The following TRMT11 variants were observed in gnomAD, a reference collection of about 807,000 sequenced individuals.
The protein encoded by TRMT11 is tRNA methyltransferase 11, also known as tRNA (guanine(10)-N(2))-methyltransferase TRMT11.
A neutral mutation model predicts 62.8 loss-of-function variants in TRMT11; 53 were observed. The observed-to-expected ratio is 0.84, with a 90% CI of 0.68 to 1.06. TRMT11 has a LOEUF of 1.06. Among genes scored for constraint, TRMT11 ranks in the 50% least tolerant of loss-of-function variants. The pLI is 0.00. For missense variants in TRMT11, 556 were observed against 553.4 expected, an observed-to-expected ratio of 1.00 and a Z score of -0.05; for synonymous variants, 188 against 190.3, an observed-to-expected ratio of 0.99 and a Z score of 0.10.
intron 21 of TRMT11, among the ~76,000 whole-genome samples, chr6:126,154,648 T>C (rs1400574480): frequency 1.3e-5 from 2 of 152,216 alleles, no homozygotes; most frequent in African/African-American, 4.8e-5. Context: ...CCCGGCCACT[T>C]CTCAGTAAAG....
intron 17 of TRMT11, among the ~76,000 whole-genome samples, chr6:126,102,798 A>G (rs1404090220): frequency 6.6e-6 from 1 of 152,188 alleles, no homozygotes; most frequent in Admixed American, 6.5e-5. Context: ...GCAAACATGT[A>G]TCAGGTTCTT....
At chr6:126,193,490 A>G (rs867114767) in intron 1 of TRMT11, among the ~76,000 whole-genome samples, 2 of 73,284 alleles carry the variant, frequency 2.7e-5, no homozygotes, top group Admixed American at 1.8e-4. Flanking sequence ...GCGTTTCTGT[A>G]TTTTTTTTTT....
intron 17 of TRMT11, among the ~76,000 whole-genome samples, chr6:126,088,561 A>G (rs971373942): frequency 6.6e-6 from 1 of 152,228 alleles, no homozygotes; most frequent in Non-Finnish European, 1.5e-5. Flanking sequence ...GGGCAAATCT[A>G]TTCAAGATTA....
intron 21 of TRMT11, among the ~76,000 whole-genome samples, chr6:126,159,338 A>G (rs1250291770): frequency 1.3e-5 from 2 of 152,124 alleles, no homozygotes; most frequent in East Asian, 1.9e-4. Context: ...TGTCATGACT[A>G]TGGTACTCAG....
At chr6:126,178,676 GT>G (rs1280791243) in intron 1 of TRMT11, among the ~76,000 whole-genome samples, 1 of 152,168 alleles carries the variant, frequency 6.6e-6, no homozygotes, top group Non-Finnish European at 1.5e-5. Context: ...GGGTCACCAT[GT>G]AGAAAAACTG....
chr6:126,191,946 T>G (rs1778606129), intron 1 of TRMT11, among the ~76,000 whole-genome samples: 1 of 152,108 alleles, frequency 6.6e-6, no homozygotes, highest in Admixed American at 6.5e-5. Context: ...GGTTCTGTAC[T>G]GTATGAATTT....
intron 21 of TRMT11, among the ~76,000 whole-genome samples, chr6:126,146,352 C>T (rs1261361073): frequency 6.6e-6 from 1 of 152,108 alleles, no homozygotes; most frequent in Non-Finnish European, 1.5e-5. Flanking sequence ...ACACTCTGGC[C>T]TATTTGCTCC....
At chr6:126,172,185 C>T (rs541136058) in intron 21 of TRMT11, among the ~76,000 whole-genome samples, 17 of 152,054 alleles carry the variant, frequency 1.1e-4, no homozygotes, top group African/African-American at 3.1e-4. Context: ...TTTTTCCCCT[C>T]AGTTTTCATG....
chr6:126,216,829 T>C, the TRMT11 span, among the ~76,000 whole-genome samples: 1 of 152,056 alleles, frequency 6.6e-6, no homozygotes, highest in Admixed American at 6.5e-5. Flanking sequence ...CAATAAACTT[T>C]ATACACCTGT....
intron 17 of TRMT11, among the ~76,000 whole-genome samples, chr6:126,112,183 G>C (rs1029212915): frequency 7.9e-5 from 12 of 152,086 alleles, no homozygotes; most frequent in African/African-American, 2.9e-4. Flanking sequence ...TTTCTGGTTA[G>C]TGAACTGGTG....
the TRMT11 span, among the ~76,000 whole-genome samples, chr6:126,215,039 G>A: frequency 6.6e-6 from 1 of 151,716 alleles, no homozygotes; most frequent in Non-Finnish European, 1.5e-5. Context: ...TTCCATTGTG[G>A]CCAGAGAGAT....
At chr6:126,257,719 CCA>C in the TRMT11 span, among the ~76,000 whole-genome samples, 1 of 152,082 alleles carries the variant, frequency 6.6e-6, no homozygotes, top group African/African-American at 2.4e-5. Context: ...AGGTCCTGCG[CCA>C]CAGAGTCAAC....
At chr6:126,061,667 T>A (rs953674993) in intron 17 of TRMT11, among the ~76,000 whole-genome samples, 15 of 152,062 alleles carry the variant, frequency 9.9e-5, no homozygotes, top group Non-Finnish European at 2.2e-4. Flanking sequence ...GGCACCTTCC[T>A]CGTCAGAAGC....
intron 3 of TRMT11, among the ~76,000 whole-genome samples, chr6:126,200,159 A>G (rs1389566151): frequency 1.3e-5 from 2 of 152,184 alleles, no homozygotes; most frequent in Non-Finnish European, 2.9e-5. Flanking sequence ...AACAGAGAAG[A>G]ACAGAAAGTT....
In TRMT11 at chr6:126,114,587, G is replaced by A. The variant is rs528132558; in HGVS notation, c.*1527-118G>A. On this transcript the variant is annotated intron_variant and NMD_transcript_variant, in intron 18 of 22. Transcript: ENST00000648977. ...TGCCTTTCCCGCAGGGGGAGTTTCC[G>A]CAGTGTACTGTGACTTTTTATATCT... Among the ~76,000 whole-genome samples the A allele has an allele frequency of 4.6e-5, 7 of 152,150 alleles. No homozygotes were observed. In the East Asian group the frequency reaches 9.7e-4, roughly 21 times the overall value.
chr6:126,127,241 G>A (rs1315547581), intron 21 of TRMT11, among the ~76,000 whole-genome samples: 1 of 152,070 alleles, frequency 6.6e-6, no homozygotes, highest in Non-Finnish European at 1.5e-5. Context: ...ACCCATGTGA[G>A]GAGTAGTTGA....
At chr6:126,026,067 G>A (rs1229749656) in intron 12 of TRMT11, among the ~76,000 whole-genome samples, 1 of 152,126 alleles carries the variant, frequency 6.6e-6, no homozygotes, top group East Asian at 1.9e-4. Context: ...TGATAAGAAG[G>A]GCCAGGTTTT....
At chr6:126,105,497 C>G (rs1265617942) in intron 17 of TRMT11, among the ~76,000 whole-genome samples, 1 of 152,096 alleles carries the variant, frequency 6.6e-6, no homozygotes, top group Non-Finnish European at 1.5e-5. Context: ...GAACCAAGTA[C>G]CTGGAAGCCA....
chr6:126,003,016 T>C (rs1423380580), intron 7 of TRMT11, among the ~76,000 whole-genome samples: 2 of 152,114 alleles, frequency 1.3e-5, no homozygotes, highest in Admixed American at 6.6e-5. Context: ...GTTTTAGTTT[T>C]GCTTCATGAG....
Sources: gnomAD v4.1 joint callset for allele counts (sites outside exome capture counted in the v4.1 genomes callset) on GRCh38, gnomAD v4.1.1 for gene constraint, MANE v1.5 for transcripts, NCBI Gene and HGNC (gene_info 2026-07-23, HGNC 2026-07-21) for gene names.